RABGAP1: variants seen among roughly 807,000 people sequenced by gnomAD.
The protein encoded by RABGAP1 is rab GTPase-activating protein 1.
A neutral mutation model predicts 137.6 loss-of-function variants in RABGAP1; 23 were observed. The ratio of observed to expected loss-of-function variants is 0.17; its 90% CI spans 0.12 to 0.24. The LOEUF (loss-of-function observed/expected upper bound fraction) is 0.24, where lower values mean the gene tolerates loss of function less well. Ranked by LOEUF, RABGAP1 falls within the 10% of genes least tolerant of loss-of-function variation. The pLI, the probability that RABGAP1 is intolerant of heterozygous loss-of-function variation, is 1.00. For synonymous variants in RABGAP1, 451 were observed against 450.7 expected (o/e 1.00, Z -0.01); for missense variants, 906 against 1,275.8 (o/e 0.71, Z 4.42).
Position 123,103,768 on chromosome 9 carries a change from C to T in RABGAP1, c.*555C>T, listed in dbSNP as rs978757018. ...AGGGTTTCATAGTTGCATCTGAAGC[C>T]ACCTGGTTCTGTTAAACTGTATGGT... On this transcript the variant is annotated 3_prime_UTR_variant, in exon 26 of 26. Transcript: ENST00000373647. 1 of 150,512 alleles carries T rather than the reference C, an allele frequency of 6.6e-6. No individual in the cohort carries two copies. Among genetic ancestry groups the T allele is most frequent in the Non-Finnish European group, 1.5e-5 (1 of 67,528 alleles). 9.3% of individuals were successfully genotyped at this position (150,512 alleles called of 1,614,324 possible).
the RABGAP1 span, among the ~76,000 whole-genome samples, chr9:122,931,886 T>C: frequency 2.0e-5 from 3 of 152,178 alleles, no homozygotes; most frequent in Non-Finnish European, 4.4e-5. Flanking sequence ...TGGTAAGTCT[T>C]TTTAGCCTAG....
At chr9:122,983,781 T>TCA (rs1265773610) in intron 2 of RABGAP1, among the ~76,000 whole-genome samples, 1 of 152,226 alleles carries the variant, frequency 6.6e-6, no homozygotes, top group East Asian at 1.9e-4. Context: ...ACTTGTGGTT[T>TCA]TCCTTGGCAT....
chr9:122,938,923 T>C (rs1833436561), upstream of RABGAP1: 1 of 152,222 alleles, frequency 6.6e-6, no homozygotes, highest in Non-Finnish European at 1.5e-5. Context: ...GCCTGATTTC[T>C]ACAGTGAACA....
intron 13 of RABGAP1, among the ~76,000 whole-genome samples, chr9:123,051,881 T>C (rs2033494506): frequency 6.6e-6 from 1 of 151,428 alleles, no homozygotes. Context: ...AAGCTCCGCC[T>C]CCTGGGTTCA....
At chr9:123,038,001 T>G (rs565445009) in intron 13 of RABGAP1, among the ~76,000 whole-genome samples, 1 of 152,260 alleles carries the variant, frequency 6.6e-6, no homozygotes, top group South Asian at 2.1e-4. Flanking sequence ...AACATATACT[T>G]TTGGTGATTA....
intron 14 of RABGAP1, among the ~76,000 whole-genome samples, chr9:123,069,489 G>T (rs2034283523): frequency 6.6e-6 from 1 of 151,842 alleles, no homozygotes; most frequent in Admixed American, 6.6e-5. Flanking sequence ...TGTAATCCTA[G>T]CAGTTTGTGA....
chr9:122,934,445 A>G, the RABGAP1 span, among the ~76,000 whole-genome samples: 1 of 152,186 alleles, frequency 6.6e-6, no homozygotes, highest in African/African-American at 2.4e-5. Context: ...GACAGCATTT[A>G]GTTGGAGCAT....
intron 2 of RABGAP1, among the ~76,000 whole-genome samples, chr9:122,974,332 A>G (rs1435637874): frequency 6.6e-6 from 1 of 152,112 alleles, no homozygotes; most frequent in African/African-American, 2.4e-5. Context: ...GAAGCTTGAA[A>G]GAACATGGAG....
At chr9:123,095,709 A>G (rs956574022) in intron 21 of RABGAP1, among the ~76,000 whole-genome samples, 1 of 143,136 alleles carries the variant, frequency 7.0e-6, no homozygotes, top group African/African-American at 2.6e-5. Flanking sequence ...GTCTTTGAAG[A>G]AAAAAAAAAA....
At chr9:122,974,009 C>CA (rs200773283) in intron 2 of RABGAP1, among the ~76,000 whole-genome samples, 33,268 of 124,540 alleles carry the variant, frequency 0.27, 4,795 homozygotes, top group Non-Finnish European at 0.38. Flanking sequence ...TCGTCTCAAA[C>CA]CAAAAAAAAA....
rs2035406300 is a variant in RABGAP1, at chr9:123,103,588, C to CATACATATAT, written c.*378_*379insCATATATATA. The CATACATATAT allele has an allele frequency of 2.2e-5, 1 of 44,944 alleles. No individual in the cohort carries two copies. Among genetic ancestry groups the CATACATATAT allele is most frequent in the Admixed American group, 3.6e-4 (1 of 2,784 alleles). 2.8% of individuals were successfully genotyped at this position (44,944 alleles called of 1,614,324 possible). A position where few individuals can be genotyped will look rare whatever the true frequency, so the allele number is the denominator to read the frequency against. On this transcript the variant is annotated 3_prime_UTR_variant, in exon 26 of 26. Coordinates refer to ENST00000373647, the MANE Select transcript of RABGAP1 (RefSeq NM_012197.4). ...TTCTAAACCTTTTTTTTTTAATATA[C>CATACATATAT]ATATATATATATATATATATATATA...
At chr9:122,947,458 G>A (rs1194887365) in intron 1 of RABGAP1, among the ~76,000 whole-genome samples, 5 of 152,162 alleles carry the variant, frequency 3.3e-5, no homozygotes, top group African/African-American at 9.7e-5. Flanking sequence ...GTACACTTCC[G>A]TGGCTAAGAT....
chr9:122,998,639 C>G lies in RABGAP1; in HGVS notation c.1247C>G (p.Thr416Arg). Residue 416 changes from threonine (T) to arginine (R), a missense_variant, in exon 10 of 26, where the codon ACA becomes AGA. Transcript: ENST00000373647. Reference sequence around the variant, plus strand: ...ACCACAGCTGTAGATTTGGTAATAACAGAAGTACAGGAGCCTGTTCGATTT... The same window carrying G: ...ACCACAGCTGTAGATTTGGTAATAAGAGAAGTACAGGAGCCTGTTCGATTT... ...FMTTAVDLVI[T>R]EVQEPVRFLL... 1 of 1,610,796 alleles carries G rather than the reference C, an allele frequency of 6.2e-7. No individual in the cohort carries two copies. The highest frequency in any genetic ancestry group is 8.5e-7 in the Non-Finnish European group (1 of 1,177,474).
chr9:123,093,275 T>C (rs987170461), intron 21 of RABGAP1, among the ~76,000 whole-genome samples: 4 of 152,206 alleles, frequency 2.6e-5, no homozygotes, highest in African/African-American at 4.8e-5. Context: ...ACACAACAGC[T>C]GTGGAGAAAT....
At chr9:123,023,902 C>G (rs1236343608) in intron 13 of RABGAP1, among the ~76,000 whole-genome samples, 1 of 151,282 alleles carries the variant, frequency 6.6e-6, no homozygotes, top group African/African-American at 2.4e-5. Flanking sequence ...TGCTTAGCTT[C>G]TTCAAAGACT....
chr9:123,094,747 A>G (rs1165388847), intron 21 of RABGAP1, among the ~76,000 whole-genome samples: 1 of 152,128 alleles, frequency 6.6e-6, no homozygotes, highest in East Asian at 1.9e-4. Flanking sequence ...TCCCTAGTGA[A>G]GTCACGCAGA....
chr9:122,999,714 A>ATT (rs911583030), intron 10 of RABGAP1, among the ~76,000 whole-genome samples: 31 of 144,214 alleles, frequency 2.1e-4, no homozygotes, highest in African/African-American at 7.6e-4. Context: ...TAATTTTTAA[A>ATT]TTTTTTTTTT....
chr9:123,098,335 G>A (rs945680373), intron 22 of RABGAP1, among the ~76,000 whole-genome samples: 2 of 152,222 alleles, frequency 1.3e-5, no homozygotes, highest in African/African-American at 4.8e-5. Context: ...AGGACTGGCT[G>A]GGGTGAGAGA....
At chr9:122,949,713 G>GA (rs1204451702) in intron 1 of RABGAP1, among the ~76,000 whole-genome samples, 74 of 132,256 alleles carry the variant, frequency 5.6e-4, no homozygotes, top group Admixed American at 1.1e-3. Flanking sequence ...AAAAAAAAAG[G>GA]AAAAAAAAAA....
Sources: gnomAD v4.1 joint callset for allele counts (sites outside exome capture counted in the v4.1 genomes callset) on GRCh38, gnomAD v4.1.1 for gene constraint, MANE v1.5 for transcripts, NCBI Gene and HGNC (gene_info 2026-07-23, HGNC 2026-07-21) for gene names.